GFPT1: variants seen among roughly 807,000 people sequenced by gnomAD.
GFPT1 encodes glutamine--fructose-6-phosphate aminotransferase [isomerizing] 1.
A neutral mutation model predicts 92.0 loss-of-function variants in GFPT1; 40 were observed. The ratio of observed to expected loss-of-function variants is 0.43; its 90% confidence interval spans 0.34 to 0.57. The LOEUF is 0.57. Among genes scored for constraint, GFPT1 ranks in the 20% least tolerant of loss-of-function variants. The probability of loss-of-function intolerance (pLI) is 0.02; values close to 1 mark genes in which losing one functional copy is unlikely to be tolerated. For synonymous variants in GFPT1, 269 were observed against 280.6 expected, an observed-to-expected ratio of 0.96 and a Z score of 0.41; for missense variants, 448 against 869.1, an observed-to-expected ratio of 0.52 and a Z score of 6.09.
intron 1 of GFPT1, among the ~76,000 whole-genome samples, chr2:69,378,123 A>G (rs776158262): frequency 1.3e-5 from 2 of 152,190 alleles, no homozygotes; most frequent in Non-Finnish European, 2.9e-5. Context: ...CTCCTGCCTC[A>G]GCCTCCCAAG....
In GFPT1 at chr2:69,354,273, G is replaced by A; in HGVS notation, c.725C>T (p.Ser242Leu). 3 of 1,590,764 alleles carry A rather than the reference G, an allele frequency of 1.9e-6. No individual in the cohort carries two copies. The highest frequency in any genetic ancestry group is 2.6e-6 in the Non-Finnish European group (3 of 1,175,030). ...GCATTTCCCACCTCTTTCTCCCTGT[G>A]ATCCCCACCGTGTGAATTTTGATCC... Reference protein sequence around the residue: ...QIGSKFTRWGSQGERGKDKKG... With the variant: ...QIGSKFTRWGLQGERGKDKKG... Residue 242 changes from serine (S) to leucine (L), a missense_variant, in exon 9 of 20, where the codon TCA (serine) becomes TTA (leucine). Coordinates refer to ENST00000357308, the MANE Select transcript of GFPT1 (RefSeq NM_001244710.2).
In GFPT1 at chr2:69,321,059, T is replaced by C. The variant is rs1286701083; in HGVS notation, c.*5130A>G. On this transcript the variant is annotated 3_prime_UTR_variant, in exon 20 of 20. Transcript: ENST00000357308. ...ATAAAAGGATTCTGTAAGGGAAACTTTGCTCTATAATTAACAGAGAGCCAG... is the reference window on the plus strand; with the variant it reads ...ATAAAAGGATTCTGTAAGGGAAACTCTGCTCTATAATTAACAGAGAGCCAG... 2 of 152,208 alleles carry C rather than the reference T, an allele frequency of 1.3e-5. No homozygotes were observed. Among genetic ancestry groups the C allele is most frequent in the African/African-American group, 2.4e-5 (1 of 41,448 alleles). 9.4% of individuals were successfully genotyped at this position (152,208 alleles called of 1,614,324 possible).
chr2:69,336,191 T>C (rs944809978), intron 15 of GFPT1, among the ~76,000 whole-genome samples: 5 of 151,420 alleles, frequency 3.3e-5, no homozygotes, highest in African/African-American at 9.7e-5. Context: ...ATACAAAAAT[T>C]AGCCAGGCGT....
At chr2:69,350,905 CAAAAAAA>C (rs796406578) in intron 9 of GFPT1, among the ~76,000 whole-genome samples, 2 of 78,398 alleles carry the variant, frequency 2.6e-5, no homozygotes, top group African/African-American at 9.8e-5. Flanking sequence ...AACTCTGTCT[CAAAAAAA>C]AAAAAAAAAG....
At chr2:69,381,889 A>C (rs140181921) in intron 1 of GFPT1, among the ~76,000 whole-genome samples, 55 of 147,590 alleles carry the variant, frequency 3.7e-4, no homozygotes, top group African/African-American at 1.3e-3. Flanking sequence ...ATTGAGACAG[A>C]GTGTCACTCA....
In GFPT1 at chr2:69,327,015, T is replaced by C. The variant is rs768371999; in HGVS notation, c.1954A>G (p.Thr652Ala). Residue 652 changes from threonine (T) to alanine (A), a missense_variant, in exon 19 of 20, where the codon ACG becomes GCG. Transcript: ENST00000357308. ...DTETIKNTKR[T>A]IKVPHSVDCL... ...TCCACTGAGTGGGGCACCTTGATCG[T>C]TCTTTTTGTGTTCTTAATGGTCTCA... 1.2e-6 allele frequency: 2 copies of C among 1,614,016 alleles called. No homozygotes were observed. Among genetic ancestry groups the C allele is most frequent in the South Asian group, 1.1e-5 (1 of 91,088 alleles).
rs1024377895 is a variant in GFPT1, at chr2:69,322,928, T to C, written c.*3261A>G. On this transcript the variant is annotated 3_prime_UTR_variant, in exon 20 of 20. Transcript: ENST00000357308. Reference sequence around the variant, plus strand: ...TTCATCTTCCCATTCTCTCACCCTATGCCTTCCAATGAACCTAGTCTTTGC... The same window carrying C: ...TTCATCTTCCCATTCTCTCACCCTACGCCTTCCAATGAACCTAGTCTTTGC... 1.3e-5 allele frequency: 2 copies of C among 152,212 alleles called. No individual in the cohort carries two copies. The highest frequency in any genetic ancestry group is 2.9e-5 in the Non-Finnish European group (2 of 68,034). The allele number at this position is 152,212 out of a possible 1,614,324, so 9.4% of individuals were successfully genotyped here.
chr2:69,338,707 AT>A (rs773527258), intron 13 of GFPT1, 142 bp from the exon 14 acceptor site: 2 of 636,584 alleles, frequency 3.1e-6, no homozygotes, highest in African/African-American at 9.0e-5. Flanking sequence ...AGATTAAAAT[AT>A]TTAAAAAAAA....
intron 4 of GFPT1, 85 bp downstream of exon 4, chr2:69,363,460 A>G: frequency 7.3e-7 from 1 of 1,363,392 alleles, no homozygotes; most frequent in African/African-American, 1.4e-5. Flanking sequence ...AAAATTATTA[A>G]AATAATGAAA....
At chr2:69,372,495 G>C (rs116861957) in intron 2 of GFPT1, among the ~76,000 whole-genome samples, 1 of 151,856 alleles carries the variant, frequency 6.6e-6, no homozygotes, top group Non-Finnish European at 1.5e-5. Flanking sequence ...AGCTGAATCC[G>C]GAAGACAGAG....
At chr2:69,373,954 T>C (rs564211881) in intron 2 of GFPT1, 52 bp downstream of exon 2, 7 of 852,698 alleles carry the variant, frequency 8.2e-6, no homozygotes, top group Admixed American at 1.7e-5. Context: ...ACAATAAAAA[T>C]AGTATCTATT....
chr2:69,339,431 C>G (rs1670882460), intron 13 of GFPT1, among the ~76,000 whole-genome samples: 1 of 152,276 alleles, frequency 6.6e-6, no homozygotes, highest in East Asian at 1.9e-4. Flanking sequence ...TGCCTCTGTG[C>G]AAAACGTAGT....
chr2:69,383,431 T>C (rs1672055123), intron 1 of GFPT1, among the ~76,000 whole-genome samples: 1 of 152,228 alleles, frequency 6.6e-6, no homozygotes, highest in South Asian at 2.1e-4. Context: ...GATATGTTAA[T>C]AGTACTGGTT....
rs1161870520 is a variant in GFPT1, at chr2:69,325,439, C to T, written c.*750G>A. The T allele has an allele frequency of 6.6e-6, 1 of 152,160 alleles. No homozygotes were observed. The highest frequency in any genetic ancestry group is 1.5e-5 in the Non-Finnish European group (1 of 68,020). 9.4% of individuals were successfully genotyped at this position (152,160 alleles called of 1,614,324 possible). A position where few individuals can be genotyped will look rare whatever the true frequency, so the allele number is the denominator to read the frequency against. On this transcript the variant is annotated 3_prime_UTR_variant, in exon 20 of 20. Transcript: ENST00000357308. The stretch of plus-strand genomic sequence containing the variant: ...AGTAGTAGGATACCCAACATGTACA[C>T]ATCCCATCTTCAAATTTAAAATCAT...
At chr2:69,379,746 A>C (rs753972500) in intron 1 of GFPT1, among the ~76,000 whole-genome samples, 1 of 151,444 alleles carries the variant, frequency 6.6e-6, no homozygotes, top group Non-Finnish European at 1.5e-5. Context: ...TTTGAGATGG[A>C]GTTTTGCTCT....
At chr2:69,352,800 C>T (rs896195120) in intron 9 of GFPT1, among the ~76,000 whole-genome samples, 23 of 151,836 alleles carry the variant, frequency 1.5e-4, no homozygotes, top group African/African-American at 5.3e-4. Flanking sequence ...AATCCCAGCA[C>T]TTTGGGAGGC....
intron 18 of GFPT1, among the ~76,000 whole-genome samples, chr2:69,328,038 G>A (rs983552843): frequency 1.4e-5 from 2 of 146,144 alleles, no homozygotes; most frequent in Admixed American, 1.4e-4. Context: ...GGCAGAGGTT[G>A]CAGTGAGCCA....
Position 69,320,680 on chromosome 2 carries a change from C to A in GFPT1, c.*5509G>T, listed in dbSNP as rs1670382483. ...GCACGTGCCTGTAATCCCAGCTAAT[C>A]CAGAGGCTGAGGCAAAAGACTCGTG... On this transcript the variant is annotated 3_prime_UTR_variant, in exon 20 of 20. Transcript: ENST00000357308. 1 of 152,178 alleles carries A rather than the reference C, an allele frequency of 6.6e-6. No individual in the cohort carries two copies. Among genetic ancestry groups the A allele is most frequent in the African/African-American group, 2.4e-5 (1 of 41,422 alleles). The allele number at this position is 152,178 out of a possible 1,614,324, so 9.4% of individuals were successfully genotyped here.
At chr2:69,358,282 T>C (rs764879046) in intron 6 of GFPT1, 47 bp downstream of exon 6, 4 of 1,533,806 alleles carry the variant, frequency 2.6e-6, no homozygotes, top group Non-Finnish European at 3.6e-6. Context: ...AGAAAGTTTC[T>C]CAGCATTAAT....
Sources: gnomAD v4.1 joint callset for allele counts (sites outside exome capture counted in the v4.1 genomes callset) on GRCh38, gnomAD v4.1.1 for gene constraint, MANE v1.5 for transcripts, NCBI Gene and HGNC (gene_info 2026-07-23, HGNC 2026-07-21) for gene names.